The following ABCD2 variants were observed in gnomAD, a reference collection of about 807,000 sequenced individuals.
The protein encoded by ABCD2 is ATP binding cassette subfamily D member 2, also known as ATP-binding cassette sub-family D member 2.
In ABCD2, 36 loss-of-function variants were observed where a neutral mutation model predicts 70.9. The ratio of observed to expected loss-of-function variants is 0.51; its 90% CI spans 0.39 to 0.67. The LOEUF (loss-of-function observed/expected upper bound fraction) is 0.67, where lower values mean the gene tolerates loss of function less well. ABCD2 is among the 30% of genes least tolerant of loss of function. ABCD2 has a pLI of 0.00. For synonymous variants in ABCD2, 304 were observed against 306.9 expected (o/e 0.99, Z 0.10); for missense variants, 729 against 890.2 (o/e 0.82, Z 2.30).
the ABCD2 span, among the ~76,000 whole-genome samples, chr12:39,543,541 G>A: frequency 6.6e-6 from 1 of 152,180 alleles, no homozygotes; most frequent in Non-Finnish European, 1.5e-5. Context: ...ATTTGGGACT[G>A]GAGAAACGGA....
chr12:39,596,583 C>T (rs559787503), intron 6 of ABCD2, among the ~76,000 whole-genome samples: 18 of 152,114 alleles, frequency 1.2e-4, no homozygotes, highest in African/African-American at 4.1e-4. Context: ...TCTCAGACTC[C>T]AAAGTCATGG....
intron 2 of ABCD2, among the ~76,000 whole-genome samples, chr12:39,611,048 C>T (rs191936759): frequency 5.6e-4 from 85 of 152,226 alleles, no homozygotes; most frequent in African/African-American, 1.9e-3. Flanking sequence ...AACACTATAC[C>T]TGTTCATTTT....
chr12:39,533,184 A>G, the ABCD2 span, among the ~76,000 whole-genome samples: 1 of 152,080 alleles, frequency 6.6e-6, no homozygotes, highest in Non-Finnish European at 1.5e-5. Flanking sequence ...ACAAAAACAA[A>G]AACAAAAAAA....
rs1435045170 is a variant in ABCD2, at chr12:39,600,601, G to A, written c.1616C>T (p.Pro539Leu). Residue 539 changes from proline (P) to leucine (L), a missense_variant, in exon 6 of 10, where the codon CCT becomes CTT. Physicochemically the swap from Pro to Leu is moderately conservative, Grantham distance 98 (BLOSUM62 -3). Coordinates refer to ENST00000308666, the MANE Select transcript of ABCD2 (RefSeq NM_005164.4). ...PVYEGVLYKP[P>L]PQHMFYIPQR... ...TGGAATATAAAACATATGTTGAGGA[G>A]GTGGTTTATAGAGGACTCCTTCATA... 2 of 1,607,222 alleles carry A rather than the reference G, an allele frequency of 1.2e-6. No individual in the cohort carries two copies. The highest frequency in any genetic ancestry group is 1.3e-5 in the African/African-American group (1 of 74,554).
the ABCD2 span, among the ~76,000 whole-genome samples, chr12:39,541,784 T>A: frequency 6.6e-6 from 1 of 152,192 alleles, no homozygotes; most frequent in Admixed American, 6.5e-5. Flanking sequence ...AATAAATACA[T>A]TGTGCTGTAA....
At chr12:39,600,318 G>GACTA (rs1941879110) in intron 6 of ABCD2, among the ~76,000 whole-genome samples, 1 of 152,092 alleles carries the variant, frequency 6.6e-6, no homozygotes, top group Non-Finnish European at 1.5e-5. Context: ...TATTCCTTGA[G>GACTA]ACTAACATCT....
intron 2 of ABCD2, among the ~76,000 whole-genome samples, chr12:39,608,426 C>T (rs1942000236): frequency 6.6e-6 from 1 of 152,136 alleles, no homozygotes; most frequent in African/African-American, 2.4e-5. Flanking sequence ...GTGGCTCATG[C>T]CTGTAGTCCT....
At chr12:39,544,811 G>T in the ABCD2 span, among the ~76,000 whole-genome samples, 3 of 152,180 alleles carry the variant, frequency 2.0e-5, no homozygotes, top group African/African-American at 7.2e-5. Context: ...GTGTACTCAT[G>T]CAGGCCTGGT....
chr12:39,556,383 A>G (rs1250975985), intron 9 of ABCD2, among the ~76,000 whole-genome samples: 1 of 152,190 alleles, frequency 6.6e-6, no homozygotes, highest in Non-Finnish European at 1.5e-5. Flanking sequence ...CAGTTGGATC[A>G]TGGGGGTGGT....
Position 39,600,729 on chromosome 12 carries a change from A to G in ABCD2, c.1501-13T>C. 1.9e-6 allele frequency: 3 copies of G among 1,592,168 alleles called. No homozygotes were observed. The highest frequency in any genetic ancestry group is 2.6e-6 in the Non-Finnish European group (3 of 1,169,582). On this transcript the variant is annotated splice_polypyrimidine_tract_variant and intron_variant, in intron 5 of 9. Coordinates refer to ENST00000308666, the MANE Select transcript of ABCD2 (RefSeq NM_005164.4). ...TTCCTTCTTCTACCTAAAGTAAGAA[A>G]TAAAATTACAAACTGCAATAGTTTA...
intron 9 of ABCD2, among the ~76,000 whole-genome samples, chr12:39,569,085 TGAG>T (rs1941405955): frequency 6.6e-6 from 1 of 152,244 alleles, no homozygotes; most frequent in Non-Finnish European, 1.5e-5. Context: ...GGGACCCACT[TGAG>T]GAGGCAGTCT....
At chr12:39,561,574 T>C (rs990634140) in intron 9 of ABCD2, among the ~76,000 whole-genome samples, 2 of 152,046 alleles carry the variant, frequency 1.3e-5, no homozygotes, top group Non-Finnish European at 2.9e-5. Flanking sequence ...TCAGGTAAAA[T>C]AGACTTTAAG....
intron 8 of ABCD2, 141 bp from the exon 9 acceptor site, chr12:39,573,982 C>A: frequency 4.1e-6 from 3 of 733,030 alleles, no homozygotes; most frequent in Non-Finnish European, 4.2e-6. Flanking sequence ...AATGATAAAG[C>A]AAAAAAGTAG....
chr12:39,608,524 C>CA (rs999052993), intron 2 of ABCD2, among the ~76,000 whole-genome samples: 19 of 150,770 alleles, frequency 1.3e-4, no homozygotes, highest in African/African-American at 3.9e-4. Flanking sequence ...CCATCTCTAC[C>CA]AAAAAAAACG....
At chr12:39,574,923 A>C (rs1305331982) in intron 8 of ABCD2, among the ~76,000 whole-genome samples, 1 of 152,152 alleles carries the variant, frequency 6.6e-6, no homozygotes, top group Admixed American at 6.5e-5. Context: ...CAGGAGTCAA[A>C]GACTCTAAAA....
the ABCD2 span, among the ~76,000 whole-genome samples, chr12:39,532,938 T>A: frequency 2.0e-5 from 3 of 151,692 alleles, no homozygotes; most frequent in African/African-American, 7.3e-5. Flanking sequence ...AGTGGGTGGA[T>A]CATGAGGTCA....
At chr12:39,581,192 G>A (rs1453893440) in intron 7 of ABCD2, among the ~76,000 whole-genome samples, 2 of 152,060 alleles carry the variant, frequency 1.3e-5, no homozygotes, top group African/African-American at 2.4e-5. Context: ...AACAGGAATT[G>A]GAAGAATTTT....
the ABCD2 span, among the ~76,000 whole-genome samples, chr12:39,544,192 T>C: frequency 1.5e-4 from 22 of 151,542 alleles, no homozygotes; most frequent in Non-Finnish European, 2.9e-4. Context: ...AATCATAGAG[T>C]CGAAGCTATC....
the ABCD2 span, among the ~76,000 whole-genome samples, chr12:39,534,458 T>A: frequency 1.3e-5 from 2 of 152,168 alleles, no homozygotes; most frequent in East Asian, 3.9e-4. Context: ...TCATAGAGTT[T>A]TTGTAAAGAT....
Sources: allele counts gnomAD v4.1 joint callset (sites outside exome capture counted in the v4.1 genomes callset), GRCh38; gene constraint gnomAD v4.1.1; transcripts MANE v1.5; gene names NCBI Gene and HGNC (gene_info 2026-07-23, HGNC 2026-07-21).